The following E2F1 variants were observed in gnomAD, a reference collection of about 807,000 sequenced individuals.
E2F1 encodes the protein transcription factor E2F1.
Under a neutral mutation model 36.9 loss-of-function variants are expected in E2F1, and 7 were observed. The ratio of observed to expected loss-of-function variants is 0.19; its 90% CI spans 0.11 to 0.36. The LOEUF (loss-of-function observed/expected upper bound fraction) is 0.36. E2F1 is among the 10% of genes least tolerant of loss of function. The pLI, the probability that E2F1 is intolerant of heterozygous loss-of-function variation, is 1.00. For synonymous variants in E2F1, 261 were observed against 263.1 expected (o/e 0.99, Z 0.08); for missense variants, 406 against 573.6 (o/e 0.71, Z 2.99).
intron 1 of E2F1, among the ~76,000 whole-genome samples, chr20:33,682,234 A>G (rs2122549396): frequency 6.6e-6 from 1 of 151,508 alleles, no homozygotes; most frequent in South Asian, 2.1e-4. Context: ...AACCCCCCCC[A>G]TGCTGATGAA....
chr20:33,676,745 G>C lies in E2F1; in HGVS notation c.1301C>G (p.Pro434Arg), dbSNP rs267605891. The part of the protein sequence containing the change: ...LFDCDFGDLT[P>R]LDF ...CTCCAAGCCCTGTCAGAAATCCAGG[G>C]GGGTGAGGTCCCCAAAGTCACAGTC... The change falls in exon 7 of 7, where the codon CCC (proline) becomes CGC (arginine). Residue 434 changes from proline to arginine, a missense_variant. By Grantham distance (103) the Pro-to-Arg change is moderately radical. Coordinates refer to ENST00000343380, the MANE Select transcript of E2F1 (RefSeq NM_005225.3). The C allele has an allele frequency of 1.2e-6, 2 of 1,609,078 alleles. No individual in the cohort carries two copies. Among genetic ancestry groups the C allele is most frequent in the Admixed American group, 3.4e-5 (2 of 59,570 alleles).
chr20:33,677,042 C>T lies in E2F1; in HGVS notation c.1066+63G>A, dbSNP rs3213175. ...CAGCAGGGAGGAAGGCAGGGGCTGTCGTGCCTGCCCACCCCCCAGAAGAGG... is the reference window on the plus strand; with the variant it reads ...CAGCAGGGAGGAAGGCAGGGGCTGTTGTGCCTGCCCACCCCCCAGAAGAGG... On this transcript the variant is annotated intron_variant, in intron 6 of 6. Coordinates refer to ENST00000343380, the MANE Select transcript of E2F1 (RefSeq NM_005225.3). 9.2e-4 allele frequency: 1,433 copies of T among 1,561,912 alleles called. 13 individuals carry two copies. In the African/African-American group the frequency reaches 0.017, roughly 18 times the overall value.
At chr20:33,680,865 T>C (rs977928519) in intron 1 of E2F1, among the ~76,000 whole-genome samples, 6 of 152,170 alleles carry the variant, frequency 3.9e-5, no homozygotes, top group Non-Finnish European at 7.4e-5. Context: ...GCCCTAATGA[T>C]GGGCAAGAAA....
chr20:33,683,495 G>A (rs1451942783), intron 1 of E2F1, among the ~76,000 whole-genome samples: 2 of 150,588 alleles, frequency 1.3e-5, no homozygotes, highest in Non-Finnish European at 2.9e-5. Flanking sequence ...GTTTTCAGCT[G>A]GGCATGGTGA....
chr20:33,676,985 G>A lies in E2F1; in HGVS notation c.1067-6C>T. 6.4e-7 allele frequency: 1 copy of A among 1,560,356 alleles called. No homozygotes were observed. Among genetic ancestry groups the A allele is most frequent in the Non-Finnish European group, 8.7e-7 (1 of 1,149,178 alleles). On this transcript the variant is annotated splice_polypyrimidine_tract_variant and splice_region_variant and intron_variant, in intron 6 of 6. Transcript: ENST00000343380. ...CATCCGGGACAACAGCGGTTCTGGGGAGACGGGGAGCATCACAGGCCGGGG... is the reference window on the plus strand; with the variant it reads ...CATCCGGGACAACAGCGGTTCTGGGAAGACGGGGAGCATCACAGGCCGGGG...
rs545154397 is a variant in E2F1, at chr20:33,675,650, A to C, written c.*1082T>G. On this transcript the variant is annotated 3_prime_UTR_variant, in exon 7 of 7. Transcript: ENST00000343380. ...GCAACCTTGGCCTCTCCCGCCCCGA[A>C]ATGTTCCCAACAGAGTCCCAAAACC... 1 of 156,678 alleles carries C rather than the reference A, an allele frequency of 6.4e-6. No homozygotes were observed. Among genetic ancestry groups the C allele is most frequent in the African/African-American group, 2.4e-5 (1 of 41,684 alleles). The allele number at this position is 156,678 out of a possible 1,614,324, so 9.7% of individuals were successfully genotyped here.
intron 1 of E2F1, among the ~76,000 whole-genome samples, chr20:33,683,378 G>A (rs956913478): frequency 1.4e-5 from 2 of 148,078 alleles, no homozygotes; most frequent in Non-Finnish European, 3.0e-5. Context: ...TTGAACCCAG[G>A]AGGTAGAGGT....
rs928428504 is a variant in E2F1, at chr20:33,686,328, G to A, written c.-64C>T. 1.5e-5 allele frequency: 15 copies of A among 992,952 alleles called. No homozygotes were observed. In the African/African-American group the frequency reaches 2.5e-4, roughly 16 times the overall value. The allele number at this position is 992,952 out of a possible 1,614,324, so 61.5% of individuals were successfully genotyped here. A position where few individuals can be genotyped will look rare whatever the true frequency, so the allele number is the denominator to read the frequency against. ...GCGGCGGCGCGGGCCCATGGCGGCAGGCCTCGGCGAGGGCTCGATCCCGCT... is the reference window on the plus strand; with the variant it reads ...GCGGCGGCGCGGGCCCATGGCGGCAAGCCTCGGCGAGGGCTCGATCCCGCT... On this transcript the variant is annotated 5_prime_UTR_variant, in exon 1 of 7. Coordinates refer to ENST00000343380, the MANE Select transcript of E2F1 (RefSeq NM_005225.3).
At position 33,686,096 on chromosome 20, in the gene E2F1, C is replaced by G. The variant is rs2122554775; in HGVS notation, c.169G>C (p.Gly57Arg). 3 of 1,087,094 alleles carry G rather than the reference C, an allele frequency of 2.8e-6. No homozygotes were observed. Among genetic ancestry groups the G allele is most frequent in the South Asian group, 8.6e-5 (2 of 23,220 alleles). The allele number at this position is 1,087,094 out of a possible 1,614,324, so 67.3% of individuals were successfully genotyped here. A position where few individuals can be genotyped will look rare whatever the true frequency, so the allele number is the denominator to read the frequency against. Residue 57 changes from glycine to arginine, a missense_variant, in exon 1 of 7, where the codon GGC (glycine) becomes CGC (arginine). By Grantham distance (125) the Gly-to-Arg change is moderately radical (BLOSUM62 -2). This residue lies in a region of E2F1 where 68 missense variants were observed against 74.3 expected (regional missense o/e 0.92). Coordinates refer to ENST00000343380, the MANE Select transcript of E2F1 (RefSeq NM_005225.3). ...APTGPAAPAA[G>R]PCDPDLLLFA... ...AGCAGCAGGTCAGGGTCGCAGGGGC[C>G]GGCGGCGGGCGCCGCGGGGCCGGTG...
chr20:33,680,045 C>T, intron 2 of E2F1, 71 bp from the exon 3 acceptor site: 1 of 1,332,132 alleles, frequency 7.5e-7, no homozygotes, highest in Admixed American at 1.9e-5. Flanking sequence ...GCCTGCCACT[C>T]TGGCAGTGCA....
At chr20:33,680,179 TGGCCA>T in intron 2 of E2F1, 142 bp downstream of exon 2, 1 of 943,044 alleles carries the variant, frequency 1.1e-6, no homozygotes, top group Non-Finnish European at 1.6e-6. Context: ...CCAAGCCAGG[TGGCCA>T]CTCCAACTGC....
chr20:33,682,848 T>G (rs896675680), intron 1 of E2F1, among the ~76,000 whole-genome samples: 19 of 152,196 alleles, frequency 1.2e-4, no homozygotes, highest in African/African-American at 4.3e-4. Context: ...CCCTCACACA[T>G]ACAGACAAGC....
intron 3 of E2F1, among the ~76,000 whole-genome samples, chr20:33,678,708 C>G (rs553349122): frequency 5.9e-5 from 9 of 151,594 alleles, no homozygotes; most frequent in African/African-American, 2.2e-4. Context: ...AATCCCAGCA[C>G]TTTGGGGGGC....
intron 1 of E2F1, among the ~76,000 whole-genome samples, chr20:33,685,550 C>T (rs2018059553): frequency 6.6e-6 from 1 of 152,142 alleles, no homozygotes; most frequent in South Asian, 2.1e-4. Context: ...CAGTTCAAAT[C>T]CCAGCCCCAC....
At chr20:33,677,084 A>G (rs1311535783) in intron 6 of E2F1, 21 bp downstream of exon 6, 1 of 1,056,184 alleles carries the variant, frequency 9.5e-7, no homozygotes, top group Non-Finnish European at 1.3e-6. Flanking sequence ...GCCCCACCCC[A>G]CCCACCTACC....
chr20:33,680,866 G>A (rs1381274612), intron 1 of E2F1, among the ~76,000 whole-genome samples: 2 of 152,054 alleles, frequency 1.3e-5, no homozygotes, highest in Non-Finnish European at 2.9e-5. Flanking sequence ...CCCTAATGAT[G>A]GGCAAGAAAC....
In E2F1 at chr20:33,679,595, C is replaced by G. The variant is rs1048732913; in HGVS notation, c.572+160G>C. Among the ~76,000 whole-genome samples, 1 of 152,162 alleles carries G rather than the reference C, an allele frequency of 6.6e-6. No individual in the cohort carries two copies. The highest frequency in any genetic ancestry group is 1.5e-5 in the Non-Finnish European group (1 of 68,018). On this transcript the variant is annotated intron_variant, in intron 3 of 6. Coordinates refer to ENST00000343380, the MANE Select transcript of E2F1 (RefSeq NM_005225.3). This position sits in a 1 kb window ranked among gnomAD's most constrained non-coding sequence, Gnocchi z 4.6. ...GAGGTGGATATGTAAGATTTGTGTG[C>G]TTTTTACCATCTATCATCTCAGGGA...
chr20:33,677,564 G>T (rs372963946), intron 4 of E2F1, 24 bp from the exon 5 acceptor site: 1 of 1,586,818 alleles, frequency 6.3e-7, no homozygotes, highest in Admixed American at 1.7e-5. Flanking sequence ...AGGACCACAT[G>T]ACCTTTGACT....
chr20:33,685,928 C>G, intron 1 of E2F1, 76 bp downstream of exon 1: 1 of 1,065,492 alleles, frequency 9.4e-7, no homozygotes, highest in Non-Finnish European at 1.1e-6. Context: ...CGCCTCCAGG[C>G]CAAACACGGC....
Sources: gnomAD v4.1 joint callset for allele counts (sites outside exome capture counted in the v4.1 genomes callset) on GRCh38, gnomAD v4.1.1 for gene constraint, gnomAD v4.1.1 regional missense constraint, Gnocchi (gnomAD v3.1) non-coding constraint, MANE v1.5 for transcripts, NCBI Gene and HGNC (gene_info 2026-07-23, HGNC 2026-07-21) for gene names.